NFAM1: variants seen among roughly 807,000 people sequenced by gnomAD.
NFAM1 encodes the protein NFAT activation molecule 1.
In NFAM1, 17 loss-of-function variants were observed where a neutral mutation model predicts 29.0. The observed-to-expected ratio is 0.59, with a 90% CI of 0.40 to 0.88. The LOEUF (loss-of-function observed/expected upper bound fraction) is 0.88. Among genes scored for constraint, NFAM1 ranks in the 40% least tolerant of loss-of-function variants. The pLI is 0.00. For synonymous variants in NFAM1, 175 were observed against 147.2 expected (o/e 1.19, Z -1.36); for missense variants, 324 against 344.6 (o/e 0.94, Z 0.47).
chr22:42,405,034 GACA>G (rs1334794818), intron 3 of NFAM1, among the ~76,000 whole-genome samples: 4 of 152,126 alleles, frequency 2.6e-5, no homozygotes, highest in African/African-American at 9.7e-5. Context: ...ACACTTTGCA[GACA>G]TTCCTGGAAG....
chr22:42,424,673 G>A (rs958504507), intron 1 of NFAM1, among the ~76,000 whole-genome samples: 5 of 152,026 alleles, frequency 3.3e-5, no homozygotes, highest in African/African-American at 9.7e-5. Flanking sequence ...AAGTTCTCGG[G>A]TAAAGCTTCT....
intron 1 of NFAM1, among the ~76,000 whole-genome samples, chr22:42,421,279 C>T (rs945912414): frequency 7.2e-5 from 11 of 151,798 alleles, no homozygotes; most frequent in Non-Finnish European, 2.9e-5. Flanking sequence ...GGTGAAACCC[C>T]GTCTCTGTTA....
At chr22:42,436,227 G>A (rs905483699), upstream of NFAM1, among the ~76,000 whole-genome samples, 1 of 152,230 alleles carries the variant, frequency 6.6e-6, no homozygotes, top group Non-Finnish European at 1.5e-5. Flanking sequence ...TGCACAGGAA[G>A]CAGAAGTGCC....
At chr22:42,436,967 C>A, upstream of NFAM1, 2 of 978,008 alleles carry the variant, frequency 2.0e-6, no homozygotes, top group Non-Finnish European at 2.4e-6. Context: ...TGCTTGAGGT[C>A]ACAGAGGGGA....
At chr22:42,432,092 TC>T in intron 1 of NFAM1, 144 bp downstream of exon 1, 4 of 743,208 alleles carry the variant, frequency 5.4e-6, no homozygotes, top group Non-Finnish European at 9.1e-6. Flanking sequence ...CCAGAAGGCT[TC>T]CCCTGTGAAG....
chr22:42,385,066 G>A lies in NFAM1; in HGVS notation c.*95C>T. The A allele has an allele frequency of 3.4e-6, 3 of 895,416 alleles. No homozygotes were observed. The highest frequency in any genetic ancestry group is 5.7e-6 in the Non-Finnish European group (3 of 527,750). The allele number at this position is 895,416 out of a possible 1,614,324, so 55.5% of individuals were successfully genotyped here. A position where few individuals can be genotyped will look rare whatever the true frequency, so the allele number is the denominator to read the frequency against. On this transcript the variant is annotated 3_prime_UTR_variant, in exon 6 of 6. Transcript: ENST00000329021. ...AGGGTGAAATGATGGGGTGTCCCTGGGGGCCTTACTCCCAACTCAGATCAA... is the reference window on the plus strand; with the variant it reads ...AGGGTGAAATGATGGGGTGTCCCTGAGGGCCTTACTCCCAACTCAGATCAA...
intron 1 of NFAM1, among the ~76,000 whole-genome samples, chr22:42,422,898 AGGTCAAGAGTTTGAGACCAGCGT>A (rs1441972481): frequency 6.6e-6 from 1 of 151,878 alleles, no homozygotes; most frequent in African/African-American, 2.4e-5. Flanking sequence ...GTGGATCACG[AGGTCAAGAGTTTGAGACCAGCGT>A]GGTCAAGATG....
At chr22:42,427,003 C>T (rs543054438) in intron 1 of NFAM1, among the ~76,000 whole-genome samples, 6 of 152,240 alleles carry the variant, frequency 3.9e-5, no homozygotes, top group East Asian at 1.9e-4. Context: ...GGAGGTTCAG[C>T]GTACTCCAGA....
At chr22:42,417,005 C>G in intron 1 of NFAM1, among the ~76,000 whole-genome samples, 1 of 152,078 alleles carries the variant, frequency 6.6e-6, no homozygotes, top group East Asian at 1.9e-4. Context: ...CCGTGGGGGC[C>G]CCAACGGACT....
chr22:42,387,587 C>T (rs1037303243), intron 4 of NFAM1, among the ~76,000 whole-genome samples: 2 of 151,140 alleles, frequency 1.3e-5, no homozygotes, highest in Non-Finnish European at 1.5e-5. Flanking sequence ...CCCACCCCAG[C>T]CTGTATTCAA....
At chr22:42,405,351 G>A (rs1006659073) in intron 3 of NFAM1, among the ~76,000 whole-genome samples, 1 of 152,192 alleles carries the variant, frequency 6.6e-6, no homozygotes, top group East Asian at 1.9e-4. Flanking sequence ...GTGGGGGTCC[G>A]CAGGCGGGGG....
chr22:42,389,738 C>A (rs1299691092), intron 4 of NFAM1, among the ~76,000 whole-genome samples: 1 of 151,982 alleles, frequency 6.6e-6, no homozygotes, highest in Non-Finnish European at 1.5e-5. Context: ...GATCCAGGCC[C>A]CCCAGGCCCT....
At chr22:42,430,240 T>C (rs1004019454) in intron 1 of NFAM1, among the ~76,000 whole-genome samples, 4 of 147,246 alleles carry the variant, frequency 2.7e-5, no homozygotes, top group Non-Finnish European at 5.9e-5. Flanking sequence ...TCCAGCCTGG[T>C]GGACGGAGCG....
In NFAM1 at chr22:42,381,398, G is replaced by A. The variant is rs1284105227; in HGVS notation, c.*3763C>T. 6.5e-6 allele frequency: 1 copy of A among 152,778 alleles called. No individual in the cohort carries two copies. Among genetic ancestry groups the A allele is most frequent in the Non-Finnish European group, 1.5e-5 (1 of 68,164 alleles). The allele number at this position is 152,778 out of a possible 1,614,324, so 9.5% of individuals were successfully genotyped here. On this transcript the variant is annotated 3_prime_UTR_variant, in exon 6 of 6. Coordinates refer to ENST00000329021, the MANE Select transcript of NFAM1 (RefSeq NM_145912.8). ...CTAGAGGCAGGCAGGGATGCCTGGG[G>A]GTGCCAGACGTGGCTGAGATGTTTC...
chr22:42,410,456 C>T (rs1200338919), intron 2 of NFAM1: 2 of 382,464 alleles, frequency 5.2e-6, no homozygotes, highest in Non-Finnish European at 1.1e-5. Flanking sequence ...GGTCAGGATT[C>T]GAGACCAGCC....
chr22:42,417,362 C>T (rs1930294283), intron 1 of NFAM1, among the ~76,000 whole-genome samples: 1 of 152,188 alleles, frequency 6.6e-6, no homozygotes, highest in Non-Finnish European at 1.5e-5. Flanking sequence ...CCTAGAGGGC[C>T]CAGGAGCTGC....
chr22:42,394,812 A>G (rs569915335), intron 4 of NFAM1, among the ~76,000 whole-genome samples: 57 of 152,214 alleles, frequency 3.7e-4, no homozygotes, highest in African/African-American at 1.3e-3. Flanking sequence ...AATAAAGTGG[A>G]AAAAAAATAA....
rs1233209473 is a variant in NFAM1, at chr22:42,432,362, G to A, written c.-5C>T. The A allele has an allele frequency of 6.4e-7, 1 of 1,564,940 alleles. No individual in the cohort carries two copies. The highest frequency in any genetic ancestry group is 8.6e-7 in the Non-Finnish European group (1 of 1,157,858). On this transcript the variant is annotated 5_prime_UTR_variant, in exon 1 of 6. Transcript: ENST00000329021. ...CCTCACAGGCTGGTTCTCCATCTGG[G>A]GGCCTGCTTGTCTGCGGCGACTCTT...
rs1186343376 is a variant in NFAM1 at position 42,409,610 on chromosome 22, CTGA to C, written c.452-66_452-64del. 1 of 727,454 alleles carries C rather than the reference CTGA, an allele frequency of 1.4e-6. No homozygotes were observed. The highest frequency in any genetic ancestry group is 2.2e-6 in the Non-Finnish European group (1 of 461,784). 45.1% of individuals were successfully genotyped at this position (727,454 alleles called of 1,614,324 possible). A position where few individuals can be genotyped will look rare whatever the true frequency, so the allele number is the denominator to read the frequency against. On this transcript the variant is annotated intron_variant, in intron 2 of 5. Coordinates refer to ENST00000329021, the MANE Select transcript of NFAM1 (RefSeq NM_145912.8). This position sits in a 1 kb window ranked among gnomAD's most constrained non-coding sequence, Gnocchi z 4.9. The stretch of plus-strand genomic sequence containing the variant: ...CCAGGAGAAAGCGGGGCACACACAC[CTGA>C]TGTTCTCCCTCACTCAGGACCCTGT...
Sources: allele counts gnomAD v4.1 joint callset (sites outside exome capture counted in the v4.1 genomes callset), GRCh38; gene constraint gnomAD v4.1.1; non-coding constraint Gnocchi (gnomAD v3.1); transcripts MANE v1.5; gene names NCBI Gene and HGNC (gene_info 2026-07-23, HGNC 2026-07-21).